The following CA4 variants were observed in gnomAD, a reference collection of about 807,000 sequenced individuals.
CA4 encodes the protein carbonic anhydrase 4.
CA4 carries 24 observed loss-of-function variants against 34.5 expected under a neutral mutation model. The observed-to-expected ratio is 0.70, with a 90% CI of 0.50 to 0.98. CA4 has a LOEUF of 0.98. Ranked by LOEUF, CA4 falls within the 50% of genes least tolerant of loss-of-function variation. CA4 has a pLI of 0.00. For synonymous variants in CA4, 178 were observed against 170.6 expected (o/e 1.04, Z -0.34); for missense variants, 394 against 396.7 (o/e 0.99, Z 0.06).
In CA4 at chr17:60,157,694, A is replaced by T; in HGVS notation, c.419A>T (p.His140Leu). ...TCACCCCTCCACCCCGACCAGATGC[A>T]CATAGTACATGAGAAAGAGAAGGGG... ...LDGEHFAMEM[H>L]IVHEKEKGTS... The change falls in exon 5 of 8, where the codon CAC (histidine) becomes CTC (leucine). Residue 140 changes from histidine (H) to leucine (L), a missense_variant. Transcript: ENST00000300900. 1 of 1,613,908 alleles carries T rather than the reference A, an allele frequency of 6.2e-7. No homozygotes were observed. Among genetic ancestry groups the T allele is most frequent in the Non-Finnish European group, 8.5e-7 (1 of 1,179,758 alleles).
At chr17:60,162,246 T>C (rs939250904), downstream of CA4, among the ~76,000 whole-genome samples, 10 of 152,170 alleles carry the variant, frequency 6.6e-5, no homozygotes, top group African/African-American at 1.4e-4. Context: ...CCCCGGGCAC[T>C]GGCCCCCACC....
downstream of CA4, among the ~76,000 whole-genome samples, chr17:60,163,685 C>T (rs1200929688): frequency 2.0e-5 from 3 of 152,320 alleles, no homozygotes; most frequent in East Asian, 3.9e-4. Flanking sequence ...CAGTTCCTTC[C>T]GCAGAGCCCT....
At chr17:60,164,939 G>C (rs1343286528) in intron 5 of CA4, among the ~76,000 whole-genome samples, 11 of 152,158 alleles carry the variant, frequency 7.2e-5, no homozygotes, top group Admixed American at 7.2e-4. Context: ...GGTGCCCTTG[G>C]TAGTTTAATT....
intron 3 of CA4, chr17:60,157,064 G>C (rs1283721768): frequency 1.6e-5 from 8 of 515,964 alleles, no homozygotes; most frequent in Non-Finnish European, 2.8e-5. Flanking sequence ...CAAGGCCCAG[G>C]GGCAGCTGGG....
chr17:60,157,901 C>T (rs563274825), intron 5 of CA4, 113 bp downstream of exon 5: 927 of 1,517,754 alleles, frequency 6.1e-4, no homozygotes, highest in Middle Eastern at 2.3e-3. Flanking sequence ...CTCCAACTTC[C>T]GCCTCTGTTT....
Position 60,158,457 on chromosome 17 carries a change from C to T in CA4, c.744+11C>T. The T allele has an allele frequency of 6.2e-7, 1 of 1,613,052 alleles. No homozygotes were observed. The highest frequency in any genetic ancestry group is 1.1e-5 in the South Asian group (1 of 91,042). ...CTTCACAGAGAACAGGTGCACAGGG[C>T]CTGGGGCAGGGCATGGGCTCCCACT... is the stretch of plus-strand genomic sequence containing the variant. On this transcript the variant is annotated intron_variant, in intron 7 of 7. Coordinates refer to ENST00000300900, the MANE Select transcript of CA4 (RefSeq NM_000717.5).
downstream of CA4, among the ~76,000 whole-genome samples, chr17:60,173,338 TG>T (rs2083929063): frequency 6.6e-6 from 1 of 152,224 alleles, no homozygotes; most frequent in Non-Finnish European, 1.5e-5. Context: ...CAGTCTACTA[TG>T]TTCCTCATGC....
chr17:60,151,103 C>T (rs180796677), intron 1 of CA4, among the ~76,000 whole-genome samples: 10 of 152,310 alleles, frequency 6.6e-5, no homozygotes, highest in Admixed American at 6.5e-4. Flanking sequence ...GCGCTTCAAG[C>T]GGCTGGGCAC....
chr17:60,158,800 C>A, intron 7 of CA4: 2 of 422,900 alleles, frequency 4.7e-6, no homozygotes, highest in Non-Finnish European at 8.8e-6. Flanking sequence ...GCCCCTGGAC[C>A]AGTGGAGTCA....
At chr17:60,168,536 AG>A (rs2083881434) in intron 5 of CA4, among the ~76,000 whole-genome samples, 1 of 2,452 alleles carries the variant, frequency 4.1e-4, no homozygotes, top group Admixed American at 5.1e-3. Context: ...TTTTTTTGGG[AG>A]GGGGTGGGGA....
At chr17:60,172,910 G>A (rs544839503), downstream of CA4, among the ~76,000 whole-genome samples, 4 of 151,838 alleles carry the variant, frequency 2.6e-5, no homozygotes, top group African/African-American at 9.7e-5. Context: ...TTGGGAGGCC[G>A]AGGTGGGTGG....
rs2083760829 is a variant in CA4 at position 60,159,524 on chromosome 17, A to C, written c.*100A>C. 7.7e-7 allele frequency: 1 copy of C among 1,297,288 alleles called. No individual in the cohort carries two copies. Among genetic ancestry groups the C allele is most frequent in the African/African-American group, 1.5e-5 (1 of 68,338 alleles). 80.4% of individuals were successfully genotyped at this position (1,297,288 alleles called of 1,614,324 possible). ...AGGTGGGACTTTAGGCATGATTAAA[A>C]TATGGACATATTTTTGGAGAAACCT... On this transcript the variant is annotated 3_prime_UTR_variant, in exon 8 of 8. Transcript: ENST00000300900.
intron 5 of CA4, 75 bp from the exon 6 acceptor site, chr17:60,157,986 C>CA: frequency 1.9e-6 from 3 of 1,585,120 alleles, no homozygotes; most frequent in Non-Finnish European, 2.6e-6. Context: ...CTTCCGCCCC[C>CA]AGATCGGGAG....
At chr17:60,154,256 G>GGGGGGGGGGGGGGGGGGTT (rs2083640565) in intron 1 of CA4, among the ~76,000 whole-genome samples, 1 of 150,816 alleles carries the variant, frequency 6.6e-6, no homozygotes, top group Non-Finnish European at 1.5e-5. Flanking sequence ...TGGGAGGGGT[G>GGGGGGGGGGGGGGGGGGTT]GGGGGGAGGG....
At chr17:60,151,214 TG>T (rs2083586612) in intron 1 of CA4, among the ~76,000 whole-genome samples, 1 of 152,080 alleles carries the variant, frequency 6.6e-6, no homozygotes, top group Admixed American at 6.6e-5. Flanking sequence ...GGATGGTTCT[TG>T]GGGTCCACGC....
Position 60,155,343 on chromosome 17 carries a change from G to A in CA4, c.88G>A (p.Glu30Lys), listed in dbSNP as rs540328912. ...ESHWCYEVQA[E>K]SSNYPCLVPV... ...ACACTGGTGCTACGAGGTTCAAGCC[G>A]AGTCCTCCAACTACCCCTGCTTGGG... is the stretch of plus-strand genomic sequence containing the variant. The change falls in exon 2 of 8, where the codon GAG (glutamate) becomes AAG (lysine). Residue 30 changes from glutamate (E) to lysine (K), a missense_variant. Transcript: ENST00000300900. The A allele has an allele frequency of 1.2e-5, 19 of 1,611,080 alleles. No homozygotes were observed. Among genetic ancestry groups the A allele is most frequent in the African/African-American group, 4.0e-5 (3 of 74,662 alleles).
Position 60,150,042 on chromosome 17 carries a change from T to C in CA4, c.8T>C (p.Met3Thr), listed in dbSNP as rs1286554196. 1 of 1,602,356 alleles carries C rather than the reference T, an allele frequency of 6.2e-7. No homozygotes were observed. The highest frequency in any genetic ancestry group is 8.5e-7 in the Non-Finnish European group (1 of 1,179,174). The change falls in exon 1 of 8, where the codon ATG becomes ACG. Residue 3 changes from methionine to threonine, a missense_variant. Physicochemically the swap from Met to Thr is moderately conservative, Grantham distance 81 (BLOSUM62 -1). Coordinates refer to ENST00000300900, the MANE Select transcript of CA4 (RefSeq NM_000717.5). Reference sequence around the variant, plus strand: ...TCTTTGCTGTCCCGCAAGATGCGGATGCTGCTGGCGCTCCTGGCCCTCTCC... The same window carrying C: ...TCTTTGCTGTCCCGCAAGATGCGGACGCTGCTGGCGCTCCTGGCCCTCTCC... The part of the protein sequence containing the change: MR[M>T]LLALLALSAA...
Position 60,158,264 on chromosome 17 carries a change from T to C in CA4, c.581-19T>C, listed in dbSNP as rs2083730195. ...CCTTCTCCCACCCTCACTGACAGTGTCCTCTGCCCCTATCTCAGAGATGAG... is the reference window on the plus strand; with the variant it reads ...CCTTCTCCCACCCTCACTGACAGTGCCCTCTGCCCCTATCTCAGAGATGAG... On this transcript the variant is annotated intron_variant, in intron 6 of 7. Transcript: ENST00000300900. 1 of 1,613,682 alleles carries C rather than the reference T, an allele frequency of 6.2e-7. No homozygotes were observed. The highest frequency in any genetic ancestry group is 1.1e-5 in the South Asian group (1 of 91,084).
intron 5 of CA4, 56 bp downstream of exon 5, chr17:60,157,844 G>C: frequency 1.3e-6 from 2 of 1,554,266 alleles, no homozygotes; most frequent in Non-Finnish European, 1.8e-6. Flanking sequence ...CTTCTTCTTA[G>C]GATTCAGAGA....
Sources: gnomAD v4.1 joint callset for allele counts (sites outside exome capture counted in the v4.1 genomes callset) on GRCh38, gnomAD v4.1.1 for gene constraint, MANE v1.5 for transcripts, NCBI Gene and HGNC (gene_info 2026-07-23, HGNC 2026-07-21) for gene names.